Variants in RTL4 observed in about 807,000 individuals in gnomAD.
RTL4 encodes the protein retrotransposon Gag-like protein 4.
RTL4 carries 4 observed loss-of-function variants against 5.3 expected under a neutral mutation model. The observed-to-expected ratio is 0.75, with a 90% CI of 0.37 to 1.72. The LOEUF is 1.72. RTL4 is among the 40% of genes most tolerant of loss of function. The pLI is 0.04. For missense variants in RTL4, 260 were observed against 227.1 expected, an observed-to-expected ratio of 1.14 and a Z score of -0.93; for synonymous variants, 98 against 87.3, an observed-to-expected ratio of 1.12 and a Z score of -0.68.
At chrX:112,330,188 G>C in the RTL4 span, among the ~76,000 whole-genome samples, 1 of 104,520 alleles carries the variant, frequency 9.6e-6, no homozygotes, top group African/African-American at 3.6e-5. Flanking sequence ...GGAAATAAAG[G>C]GTATTCAATT....
At chrX:112,118,647 G>A in the RTL4 span, among the ~76,000 whole-genome samples, 2 of 112,017 alleles carry the variant, frequency 1.8e-5, no homozygotes, top group Non-Finnish European at 3.8e-5. Context: ...ATCATGGGGA[G>A]TCACCTTGAA....
the RTL4 span, among the ~76,000 whole-genome samples, chrX:112,169,426 C>A: frequency 9.0e-6 from 1 of 111,316 alleles, no homozygotes; most frequent in African/African-American, 3.3e-5. Flanking sequence ...TGAATTATTT[C>A]TTGCAAGAGA....
At chrX:112,137,932 AGATATCTGC>A in the RTL4 span, among the ~76,000 whole-genome samples, 1 of 112,031 alleles carries the variant, frequency 8.9e-6, no homozygotes, top group Non-Finnish European at 1.9e-5. Context: ...AATCCCAAAG[AGATATCTGC>A]GTAGCCATGT....
chrX:112,246,001 CCT>C, the RTL4 span, among the ~76,000 whole-genome samples: 1 of 112,336 alleles, frequency 8.9e-6, no homozygotes, highest in Non-Finnish European at 1.9e-5. Flanking sequence ...CACTCCAGAC[CCT>C]GTTTCCCAGG....
the RTL4 span, among the ~76,000 whole-genome samples, chrX:112,287,013 T>C: frequency 8.9e-6 from 1 of 111,933 alleles, no homozygotes. Context: ...TTTGGATACA[T>C]ATTTATTCAT....
chrX:112,335,886 A>G, the RTL4 span, among the ~76,000 whole-genome samples: 1 of 109,917 alleles, frequency 9.1e-6, no homozygotes, highest in Non-Finnish European at 1.9e-5. Flanking sequence ...TCTGTCCACC[A>G]GGCTGGAGTG....
the RTL4 span, among the ~76,000 whole-genome samples, chrX:112,200,663 C>T: frequency 8.9e-6 from 1 of 111,935 alleles, no homozygotes; most frequent in Non-Finnish European, 1.9e-5. Flanking sequence ...CTGAATGGGG[C>T]TGATTTGAAC....
At chrX:112,288,181 C>T in the RTL4 span, among the ~76,000 whole-genome samples, 2 of 112,012 alleles carry the variant, frequency 1.8e-5, no homozygotes, top group Admixed American at 1.9e-4. Flanking sequence ...AATACTTACT[C>T]GGAGCAAGTA....
chrX:112,373,232 A>G, the RTL4 span, among the ~76,000 whole-genome samples: 1 of 111,527 alleles, frequency 9.0e-6, no homozygotes, highest in Admixed American at 9.5e-5. Flanking sequence ...AGTCTCCTAA[A>G]GTGTTTTACC....
At chrX:112,242,964 T>A in the RTL4 span, among the ~76,000 whole-genome samples, 2 of 111,758 alleles carry the variant, frequency 1.8e-5, no homozygotes, top group Non-Finnish European at 3.8e-5. Context: ...GGTTTTTGTC[T>A]TTGGTTCTGT....
At chrX:112,106,732 G>A in the RTL4 span, among the ~76,000 whole-genome samples, 6 of 111,202 alleles carry the variant, frequency 5.4e-5, no homozygotes, top group Admixed American at 9.5e-5. Flanking sequence ...ATTATGTCTC[G>A]TGATTTTTAT....
At chrX:112,310,241 G>C in the RTL4 span, among the ~76,000 whole-genome samples, 1 of 94,879 alleles carries the variant, frequency 1.1e-5, no homozygotes, top group Admixed American at 1.3e-4. Flanking sequence ...GATAGGATTA[G>C]TGCCCTTAGA....
At chrX:112,381,696 G>A in the RTL4 span, 4 of 1,206,296 alleles carry the variant, frequency 3.3e-6, no homozygotes, top group South Asian at 1.8e-5. Context: ...AGTTTGAAGC[G>A]GAAGTTGCAG....
chrX:112,311,980 C>G, the RTL4 span, among the ~76,000 whole-genome samples: 1 of 110,774 alleles, frequency 9.0e-6, no homozygotes, highest in East Asian at 2.8e-4. Context: ...TTATTCACAA[C>G]CAATGCTATC....
chrX:112,130,067 C>T, the RTL4 span, among the ~76,000 whole-genome samples: 59 of 110,944 alleles, frequency 5.3e-4, no homozygotes, highest in Middle Eastern at 4.7e-3. Context: ...ATTATTTCCA[C>T]GCTTATCTAC....
the RTL4 span, among the ~76,000 whole-genome samples, chrX:112,234,628 C>A: frequency 8.9e-6 from 1 of 111,944 alleles, no homozygotes; most frequent in East Asian, 2.8e-4. Flanking sequence ...GAATCCCACC[C>A]GCCCACCTGT....
At chrX:112,143,853 T>C in the RTL4 span, among the ~76,000 whole-genome samples, 1 of 111,933 alleles carries the variant, frequency 8.9e-6, no homozygotes, top group Non-Finnish European at 1.9e-5. Context: ...TTAAAGCACA[T>C]CTTTAGAACT....
At chrX:112,298,975 C>T in the RTL4 span, among the ~76,000 whole-genome samples, 1 of 112,786 alleles carries the variant, frequency 8.9e-6, no homozygotes, top group Non-Finnish European at 1.9e-5. Flanking sequence ...TGCATCAGTT[C>T]GTTTCCAAGA....
At chrX:112,236,789 T>C in the RTL4 span, among the ~76,000 whole-genome samples, 1 of 110,447 alleles carries the variant, frequency 9.1e-6, no homozygotes, top group Non-Finnish European at 1.9e-5. Flanking sequence ...TTCTAATCTC[T>C]GGAACCTGTG....
Sources: gnomAD v4.1 joint callset for allele counts (sites outside exome capture counted in the v4.1 genomes callset) on GRCh38, gnomAD v4.1.1 for gene constraint, MANE v1.5 for transcripts, NCBI Gene and HGNC (gene_info 2026-07-23, HGNC 2026-07-21) for gene names.